Variants in CDC42BPA observed in about 807,000 individuals in gnomAD.
The protein encoded by CDC42BPA is serine/threonine-protein kinase MRCK alpha.
Under a neutral mutation model 223.5 loss-of-function variants are expected in CDC42BPA, and 80 were observed. The ratio of observed to expected loss-of-function variants is 0.36; its 90% confidence interval spans 0.30 to 0.43. CDC42BPA has a LOEUF of 0.43. CDC42BPA is among the 20% of genes least tolerant of loss of function. The probability of loss-of-function intolerance (pLI) is 1.00; values close to 1 mark genes in which losing one functional copy is unlikely to be tolerated. For synonymous variants in CDC42BPA, 694 were observed against 718.6 expected (o/e 0.97, Z 0.55); for missense variants, 1,743 against 2,099.9 (o/e 0.83, Z 3.32).
intron 14 of CDC42BPA, among the ~76,000 whole-genome samples, chr1:227,103,889 TGA>T (rs2149332098): frequency 6.6e-6 from 1 of 152,058 alleles, no homozygotes; most frequent in South Asian, 2.1e-4. Context: ...ATCAAAACTC[TGA>T]GAGAAGGACA....
intron 10 of CDC42BPA, among the ~76,000 whole-genome samples, chr1:227,129,717 A>ATATATATATATAT (rs1656668947): frequency 4.1e-5 from 6 of 146,462 alleles, no homozygotes; most frequent in African/African-American, 1.0e-4. Flanking sequence ...ATATATATAC[A>ATATATATATATAT]AAAGAATCCA....
chr1:227,003,497 A>T (rs1271976942), intron 35 of CDC42BPA, among the ~76,000 whole-genome samples: 2 of 152,194 alleles, frequency 1.3e-5, no homozygotes, highest in African/African-American at 4.8e-5. Context: ...GATAATCTAC[A>T]ATCGCACTGC....
intron 5 of CDC42BPA, among the ~76,000 whole-genome samples, chr1:227,191,035 C>A (rs1345994821): frequency 6.6e-6 from 1 of 151,930 alleles, no homozygotes; most frequent in Non-Finnish European, 1.5e-5. Context: ...AAACTAGAAC[C>A]AATGACTAAA....
At chr1:227,098,373 CA>C (rs985026409) in intron 15 of CDC42BPA, among the ~76,000 whole-genome samples, 116 of 152,252 alleles carry the variant, frequency 7.6e-4, no homozygotes, top group African/African-American at 2.7e-3. Context: ...CTCCTGCCCC[CA>C]AATCCAGGCT....
intron 3 of CDC42BPA, among the ~76,000 whole-genome samples, chr1:227,201,070 T>C (rs1671667098): frequency 6.6e-6 from 1 of 152,248 alleles, no homozygotes; most frequent in Non-Finnish European, 1.5e-5. Context: ...TAGTTTATTC[T>C]GAGAATACAC....
intron 30 of CDC42BPA, 129 bp downstream of exon 30, chr1:227,028,528 G>C (rs1668685890): frequency 1.6e-6 from 1 of 629,606 alleles, no homozygotes; most frequent in Admixed American, 3.3e-5. Flanking sequence ...AATCAATACT[G>C]AGGAAAAGCA....
rs765598716 is a variant in CDC42BPA, at chr1:227,051,924, C to A, written c.2966G>T (p.Arg989Leu). The A allele has an allele frequency of 7.3e-7, 1 of 1,366,292 alleles. No individual in the cohort carries two copies. Among genetic ancestry groups the A allele is most frequent in the Non-Finnish European group, 9.8e-7 (1 of 1,021,794 alleles). The allele number at this position is 1,366,292 out of a possible 1,614,324, so 84.6% of individuals were successfully genotyped here. A position where few individuals can be genotyped will look rare whatever the true frequency, so the allele number is the denominator to read the frequency against. Residue 989 changes from arginine to leucine, a missense_variant, in exon 22 of 37, where the codon CGG becomes CTG. Arg to Leu is a moderately radical substitution (Grantham distance 102, BLOSUM62 -2). Coordinates refer to ENST00000366766, the MANE Select transcript of CDC42BPA (RefSeq NM_001394014.1). ...ACTAGATGTGGAAGGAGATGTGGAC[C>A]GTGACTGGATGTGAAACTTGACGCT... ...NPSVKFHIQS[R>L]STSPSTSSEA...
chr1:227,254,927 T>C (rs1682788097), intron 1 of CDC42BPA, among the ~76,000 whole-genome samples: 1 of 152,014 alleles, frequency 6.6e-6, no homozygotes, highest in South Asian at 2.1e-4. Flanking sequence ...TATAAGCAAA[T>C]GAAGAGAGGC....
chr1:227,205,700 A>G (rs898476948), intron 3 of CDC42BPA, among the ~76,000 whole-genome samples: 1 of 152,180 alleles, frequency 6.6e-6, no homozygotes, highest in African/African-American at 2.4e-5. Flanking sequence ...CTGTTACCCT[A>G]CTTATGAGAC....
At chr1:227,032,563 G>A (rs1669480151) in intron 27 of CDC42BPA, among the ~76,000 whole-genome samples, 3 of 152,146 alleles carry the variant, frequency 2.0e-5, no homozygotes. Flanking sequence ...AAGAGGTGGA[G>A]TCTATTTCCC....
intron 35 of CDC42BPA, among the ~76,000 whole-genome samples, chr1:227,000,107 T>C (rs1558248795): frequency 1.1e-5 from 1 of 93,990 alleles, no homozygotes; most frequent in Non-Finnish European, 2.6e-5. Flanking sequence ...ATAATAATAA[T>C]AATAATAATA....
chr1:227,153,407 A>G (rs1297510352), intron 6 of CDC42BPA, among the ~76,000 whole-genome samples: 1 of 151,990 alleles, frequency 6.6e-6, no homozygotes, highest in Non-Finnish European at 1.5e-5. Context: ...AATACTATGA[A>G]TATTAAAAAG....
Position 227,264,805 on chromosome 1 carries a change from ATCT to A in CDC42BPA, c.179-10653_179-10651del, listed in dbSNP as rs1285608402. On this transcript the variant is annotated intron_variant, in intron 1 of 36. Coordinates refer to ENST00000366766, the MANE Select transcript of CDC42BPA (RefSeq NM_001394014.1). ...CTTCCACTGTTACCTCAGTGACAGA[ATCT>A]TCTTGCTTTTTTGGAATTGTGTATG... 3 of 1,316,722 alleles carry A rather than the reference ATCT, an allele frequency of 2.3e-6. No individual in the cohort carries two copies. In the African/African-American group the frequency reaches 4.3e-5, roughly 19 times the overall value. The allele number at this position is 1,316,722 out of a possible 1,614,324, so 81.6% of individuals were successfully genotyped here. A position where few individuals can be genotyped will look rare whatever the true frequency, so the allele number is the denominator to read the frequency against.
chr1:227,301,421 G>A (rs1691606963), intron 1 of CDC42BPA, among the ~76,000 whole-genome samples: 1 of 151,344 alleles, frequency 6.6e-6, no homozygotes, highest in Non-Finnish European at 1.5e-5. Flanking sequence ...GTGCGGTGGC[G>A]CGATCTCGGC....
intron 1 of CDC42BPA, among the ~76,000 whole-genome samples, chr1:227,300,052 G>C (rs1321024495): frequency 2.0e-5 from 3 of 151,688 alleles, no homozygotes; most frequent in Non-Finnish European, 4.4e-5. Context: ...GTAGGGAAGA[G>C]CTGGTCAGTT....
At chr1:227,203,135 A>G (rs79084700) in intron 3 of CDC42BPA, among the ~76,000 whole-genome samples, 8,182 of 152,216 alleles carry the variant, frequency 0.054, 244 homozygotes, top group Non-Finnish European at 0.072. Context: ...ACACAGGAGC[A>G]TATACATATT....
In CDC42BPA at chr1:226,994,837, C is replaced by A. The variant is rs753710619; in HGVS notation, c.5119G>T (p.Asp1707Tyr). 18 of 1,612,154 alleles carry A rather than the reference C, an allele frequency of 1.1e-5. No homozygotes were observed. Among genetic ancestry groups the A allele is most frequent in the Admixed American group, 6.7e-5 (4 of 59,778 alleles). ...TGCCCACTCACCTCTCCGTCAAAGT[C>A]CCTCGCTGGGGCATCACTTCCTTGG... ...MDQGSDAPARDFDGEDSDSPR... is the reference protein window; with the variant it reads ...MDQGSDAPARYFDGEDSDSPR... The change falls in exon 36 of 37, where the codon GAC becomes TAC. Residue 1707 changes from aspartate to tyrosine, a missense_variant. Coordinates refer to ENST00000366766, the MANE Select transcript of CDC42BPA (RefSeq NM_001394014.1). This position sits in a 1 kb window ranked among gnomAD's most constrained non-coding sequence, Gnocchi z 4.0.
In CDC42BPA at chr1:227,145,109, C is replaced by A. The variant is rs115821388; in HGVS notation, c.1143+380G>T. Among the ~76,000 whole-genome samples, 257 of 152,138 alleles carry A rather than the reference C, an allele frequency of 1.7e-3. 1 individual carries two copies. Among genetic ancestry groups the A allele is most frequent in the Non-Finnish European group, 2.9e-3 (197 of 68,030 alleles). On this transcript the variant is annotated intron_variant, in intron 8 of 36. Transcript: ENST00000366766. ...TTCTCTTCAATTGTTGTATCAGGCC[C>A]TGACATGGTTGATTTTGATAATTTT...
intron 15 of CDC42BPA, among the ~76,000 whole-genome samples, chr1:227,094,124 G>A (rs1683560018): frequency 1.3e-5 from 2 of 152,146 alleles, no homozygotes; most frequent in Admixed American, 1.3e-4. Context: ...AAGCATTTTG[G>A]CAATTTATAT....
Sources: gnomAD v4.1 joint callset for allele counts (sites outside exome capture counted in the v4.1 genomes callset) on GRCh38, gnomAD v4.1.1 for gene constraint, Gnocchi (gnomAD v3.1) non-coding constraint, MANE v1.5 for transcripts, NCBI Gene and HGNC (gene_info 2026-07-23, HGNC 2026-07-21) for gene names.